Variants in NUTM2B observed in about 807,000 individuals in gnomAD.
NUTM2B encodes the protein family with sequence similarity 22, member B.
A neutral mutation model predicts 42.4 loss-of-function variants in NUTM2B; 2 were observed. The ratio of observed to expected loss-of-function variants is 0.05; its 90% CI spans 0.02 to 0.15. The LOEUF (loss-of-function observed/expected upper bound fraction) is 0.15, where lower values mean the gene tolerates loss of function less well. Among genes scored for constraint, NUTM2B ranks in the 10% least tolerant of loss-of-function variants. The probability of loss-of-function intolerance (pLI) is 1.00; values close to 1 mark genes in which losing one functional copy is unlikely to be tolerated. For missense variants in NUTM2B, 58 were observed against 952.6 expected (o/e 0.06, Z 12.36); for synonymous variants, 18 against 402.4 (o/e 0.04, Z 11.43).
At chr10:79,692,213 C>T in the NUTM2B span, among the ~76,000 whole-genome samples, 1 of 152,182 alleles carries the variant, frequency 6.6e-6, no homozygotes, top group African/African-American at 2.4e-5. Flanking sequence ...GGGAAATGGG[C>T]AGTTATGTTC....
At chr10:79,693,517 C>T in the NUTM2B span, among the ~76,000 whole-genome samples, 1 of 152,176 alleles carries the variant, frequency 6.6e-6, no homozygotes, top group East Asian at 1.9e-4. Context: ...AATATTGAGC[C>T]CAGAACAAAT....
At chr10:79,698,895 AT>A, upstream of NUTM2B, among the ~76,000 whole-genome samples, 1 of 152,272 alleles carries the variant, frequency 6.6e-6, no homozygotes, top group South Asian at 2.1e-4. Flanking sequence ...GCCACCTTAT[AT>A]CCCCAAATAC....
At chr10:79,704,944 A>T (rs1442121777) in intron 1 of NUTM2B, among the ~76,000 whole-genome samples, 8 of 151,724 alleles carry the variant, frequency 5.3e-5, no homozygotes, top group Non-Finnish European at 1.0e-4. Context: ...TATTATTATT[A>T]TTCAAGTTAG....
chr10:79,702,309 C>G (rs1010200141), upstream of NUTM2B, among the ~76,000 whole-genome samples: 2 of 151,918 alleles, frequency 1.3e-5, no homozygotes, highest in African/African-American at 4.8e-5. Flanking sequence ...AGGTCACTCC[C>G]CTCCCAGTGG....
upstream of NUTM2B, among the ~76,000 whole-genome samples, chr10:79,699,568 G>A (rs146531683): frequency 8.0e-3 from 1,221 of 152,256 alleles, 5 homozygotes; most frequent in African/African-American, 0.028. Context: ...TCAGCCTCCC[G>A]AGTAGCTGGG....
upstream of NUTM2B, among the ~76,000 whole-genome samples, chr10:79,700,875 A>C (rs1457218921): frequency 6.6e-6 from 1 of 152,170 alleles, no homozygotes; most frequent in Non-Finnish European, 1.5e-5. Context: ...GTGGAAATGG[A>C]GGGACGCGGC....
chr10:79,699,685 C>G (rs2132234542), upstream of NUTM2B, among the ~76,000 whole-genome samples: 2 of 152,270 alleles, frequency 1.3e-5, no homozygotes, highest in South Asian at 4.1e-4. Context: ...TCAGGTGATC[C>G]ATCTGCCTCG....
At chr10:79,700,401 A>G (rs572312454), upstream of NUTM2B, among the ~76,000 whole-genome samples, 1 of 152,384 alleles carries the variant, frequency 6.6e-6, no homozygotes, top group African/African-American at 2.4e-5. Flanking sequence ...CACGGCCGAG[A>G]CACACTTTGA....
chr10:79,692,521 T>G, the NUTM2B span, among the ~76,000 whole-genome samples: 29 of 152,282 alleles, frequency 1.9e-4, no homozygotes, highest in South Asian at 6.0e-3. Flanking sequence ...TCCCTGCCAC[T>G]GGGGGAGTGC....
upstream of NUTM2B, among the ~76,000 whole-genome samples, chr10:79,698,278 A>G (rs564581588): frequency 2.7e-4 from 41 of 152,272 alleles, 1 homozygote; most frequent in South Asian, 8.5e-3. Context: ...CTGAGTGTAT[A>G]AATCCCCCGA....
chr10:79,695,766 T>C, the NUTM2B span, among the ~76,000 whole-genome samples: 1 of 151,976 alleles, frequency 6.6e-6, no homozygotes, highest in Non-Finnish European at 1.5e-5. Context: ...CTGACTGTGC[T>C]GATCACACGG....
rs1488570019 is a variant in NUTM2B, at chr10:79,711,030, G to C, written c.1735-220G>C. Among the ~76,000 whole-genome samples the C allele has an allele frequency of 8.7e-5, 11 of 126,736 alleles. No individual in the cohort carries two copies. In the South Asian group the frequency reaches 1.3e-3, roughly 15 times the overall value. 83.1% of individuals were successfully genotyped at this position (126,736 alleles called of 152,430 possible). The stretch of plus-strand genomic sequence containing the variant: ...GTGTCTTTTCCTGTGTCATATGTGG[G>C]TCTGTTTGTGTGTCTGTGTGTGGTT... On this transcript the variant is annotated intron_variant, in intron 5 of 6. Transcript: ENST00000429828.
At position 79,711,026 on chromosome 10, in the gene NUTM2B, G is replaced by A. The variant is rs1187771154; in HGVS notation, c.1735-224G>A. Reference sequence around the variant, plus strand: ...GTCTGTGTCTTTTCCTGTGTCATATGTGGGTCTGTTTGTGTGTCTGTGTGT... The same window carrying A: ...GTCTGTGTCTTTTCCTGTGTCATATATGGGTCTGTTTGTGTGTCTGTGTGT... On this transcript the variant is annotated intron_variant, in intron 5 of 6. Transcript: ENST00000429828. Among the ~76,000 whole-genome samples the A allele has an allele frequency of 3.9e-5, 5 of 128,204 alleles. No individual in the cohort carries two copies. The East Asian group carries it at 8.1e-4, about 21-fold the overall frequency. The allele number at this position is 128,204 out of a possible 152,430, so 84.1% of individuals were successfully genotyped here. A position where few individuals can be genotyped will look rare whatever the true frequency, so the allele number is the denominator to read the frequency against.
the NUTM2B span, among the ~76,000 whole-genome samples, chr10:79,696,795 G>C: frequency 1.6e-4 from 24 of 152,116 alleles, no homozygotes; most frequent in African/African-American, 5.3e-4. Flanking sequence ...GCGCATGCAC[G>C]TCCAGAGAAC....
upstream of NUTM2B, among the ~76,000 whole-genome samples, chr10:79,701,069 G>C (rs1187272905): frequency 1.3e-5 from 2 of 152,154 alleles, no homozygotes; most frequent in African/African-American, 4.8e-5. Context: ...CTAAAGCAAA[G>C]TATCCTCAAA....
the NUTM2B span, among the ~76,000 whole-genome samples, chr10:79,693,769 C>T: frequency 2.2e-4 from 34 of 152,250 alleles, no homozygotes; most frequent in Admixed American, 1.4e-3. Context: ...AAACACAATA[C>T]AACTAGTGCA....
At chr10:79,701,526 T>C (rs1232893528), upstream of NUTM2B, among the ~76,000 whole-genome samples, 1 of 152,016 alleles carries the variant, frequency 6.6e-6, no homozygotes, top group Non-Finnish European at 1.5e-5. Flanking sequence ...CTCCACGTGA[T>C]AACACTGAAG....
intron 4 of NUTM2B, 54 bp downstream of exon 4, chr10:79,709,993 G>A (rs1840459188): frequency 2.1e-6 from 1 of 483,930 alleles, no homozygotes; most frequent in Non-Finnish European, 3.3e-6. Context: ...AAGGGCCAAG[G>A]GAGGCCACTG....
the NUTM2B span, among the ~76,000 whole-genome samples, chr10:79,695,503 C>G: frequency 2.0e-5 from 3 of 152,172 alleles, no homozygotes; most frequent in Non-Finnish European, 2.9e-5. Context: ...GCCTTAGCCC[C>G]GAAGCCTCAG....
Sources: allele counts gnomAD v4.1 joint callset (sites outside exome capture counted in the v4.1 genomes callset), GRCh38; gene constraint gnomAD v4.1.1; transcripts MANE v1.5; gene names NCBI Gene and HGNC (gene_info 2026-07-23, HGNC 2026-07-21).